Variants in SUCLG1 observed in about 807,000 individuals in gnomAD.
SUCLG1 encodes succinate--CoA ligase [ADP/GDP-forming] subunit alpha, mitochondrial.
SUCLG1 carries 26 observed loss-of-function variants against 37.3 expected under a neutral mutation model. That is an observed-to-expected ratio of 0.70 (90% confidence interval 0.51 to 0.97). The LOEUF (loss-of-function observed/expected upper bound fraction) is 0.97. Ranked by LOEUF, SUCLG1 falls within the 50% of genes least tolerant of loss-of-function variation. SUCLG1 has a pLI of 0.00. For missense variants in SUCLG1, 433 were observed against 432.9 expected, an observed-to-expected ratio of 1.00 and a Z score of 0.00; for synonymous variants, 163 against 155.6, an observed-to-expected ratio of 1.05 and a Z score of -0.36.
intron 2 of SUCLG1, among the ~76,000 whole-genome samples, chr2:84,446,239 C>T (rs747828101): frequency 2.2e-4 from 34 of 152,368 alleles, no homozygotes; most frequent in Admixed American, 6.5e-4. Flanking sequence ...TCATAACATA[C>T]CACATAATAT....
intron 1 of SUCLG1, among the ~76,000 whole-genome samples, chr2:84,456,539 T>C (rs562539656): frequency 6.6e-6 from 1 of 152,128 alleles, no homozygotes; most frequent in Non-Finnish European, 1.5e-5. Flanking sequence ...CATTACTTTA[T>C]GCTTCTCTTA....
At chr2:84,452,199 C>T (rs1313924320) in intron 1 of SUCLG1, among the ~76,000 whole-genome samples, 1 of 150,460 alleles carries the variant, frequency 6.6e-6, no homozygotes, top group Non-Finnish European at 1.5e-5. Context: ...AAAAAAAAAG[C>T]CTTGGGCATT....
At position 84,441,285 on chromosome 2, in the gene SUCLG1, T is replaced by A. The variant is rs577461564; in HGVS notation, c.493A>T (p.Thr165Ser). The A allele has an allele frequency of 2.5e-6, 4 of 1,614,176 alleles. No individual in the cohort carries two copies. The highest frequency in any genetic ancestry group is 3.3e-5 in the Admixed American group (2 of 60,024). ...GGGCAGTTGGGCCCAATTAGCCTTG[T>A]CTTTTCCTGGCGCAGCAGTTTGTGC... ...VKHKLLRQEK[T>S]RLIGPNCPGV... is the part of the protein sequence containing the mutation. Residue 165 changes from threonine to serine, a missense_variant, in exon 4 of 9, where the codon ACA (threonine) becomes TCA (serine). Coordinates refer to ENST00000393868, the MANE Select transcript of SUCLG1 (RefSeq NM_003849.4).
At chr2:84,427,762 A>C (rs1672556293) in intron 7 of SUCLG1, among the ~76,000 whole-genome samples, 1 of 152,226 alleles carries the variant, frequency 6.6e-6, no homozygotes, top group African/African-American at 2.4e-5. Context: ...TTCAAGTAAA[A>C]TTGGTGTCCC....
chr2:84,437,643 G>T (rs554785803), intron 5 of SUCLG1, among the ~76,000 whole-genome samples: 4 of 152,292 alleles, frequency 2.6e-5, no homozygotes, highest in African/African-American at 9.6e-5. Flanking sequence ...TCTTAAACTG[G>T]ATAGCAATTC....
intron 1 of SUCLG1, among the ~76,000 whole-genome samples, chr2:84,452,743 G>C (rs17025067): frequency 0.015 from 2,236 of 152,256 alleles, 37 homozygotes; most frequent in Middle Eastern, 0.095. Flanking sequence ...TAAACTCCAT[G>C]AGTGTCAGGA....
At chr2:84,453,859 C>T (rs1672980662) in intron 1 of SUCLG1, among the ~76,000 whole-genome samples, 2 of 152,234 alleles carry the variant, frequency 1.3e-5, no homozygotes. Context: ...CCAGCTTAAC[C>T]TTGGGACTGC....
chr2:84,452,690 A>T (rs1171840742), intron 1 of SUCLG1, among the ~76,000 whole-genome samples: 1 of 152,182 alleles, frequency 6.6e-6, no homozygotes, highest in Non-Finnish European at 1.5e-5. Flanking sequence ...TTATTTCAAG[A>T]CTATTTCAAG....
chr2:84,431,501 A>G lies in SUCLG1; in HGVS notation c.825+7T>C. On this transcript the variant is annotated splice_region_variant and intron_variant, in intron 7 of 8. Coordinates refer to ENST00000393868, the MANE Select transcript of SUCLG1 (RefSeq NM_003849.4). Reference sequence around the variant, plus strand: ...AAAGAGCTATGTTTTTCCAAACCCAAACTTACTGAATTATGTTGCTTCAAA... The same window carrying G: ...AAAGAGCTATGTTTTTCCAAACCCAGACTTACTGAATTATGTTGCTTCAAA... The G allele has an allele frequency of 1.9e-6, 3 of 1,613,852 alleles. No individual in the cohort carries two copies. Among genetic ancestry groups the G allele is most frequent in the Non-Finnish European group, 2.5e-6 (3 of 1,179,832 alleles).
intron 2 of SUCLG1, among the ~76,000 whole-genome samples, chr2:84,445,826 C>G (rs1469740039): frequency 2.0e-5 from 3 of 152,354 alleles, no homozygotes; most frequent in East Asian, 3.9e-4. Flanking sequence ...CTGGTCAAAA[C>G]ATAATGAAGA....
At chr2:84,439,391 C>T (rs981503491) in intron 5 of SUCLG1, among the ~76,000 whole-genome samples, 2 of 152,118 alleles carry the variant, frequency 1.3e-5, no homozygotes, top group Non-Finnish European at 2.9e-5. Flanking sequence ...AGCATTCCTT[C>T]CATGCTCACC....
chr2:84,424,514 A>C (rs1672503023), intron 8 of SUCLG1, among the ~76,000 whole-genome samples: 1 of 152,234 alleles, frequency 6.6e-6, no homozygotes, highest in Non-Finnish European at 1.5e-5. Flanking sequence ...AGGATCATGC[A>C]AAGATCAATA....
rs749955458 is a variant in SUCLG1, at chr2:84,423,732, A to T, written c.*14T>A. 1.9e-6 allele frequency: 3 copies of T among 1,545,564 alleles called. No homozygotes were observed. The highest frequency in any genetic ancestry group is 1.4e-5 in the African/African-American group (1 of 73,372). The stretch of plus-strand genomic sequence containing the variant: ...CGTGATCCATTCCACAGTTTTAGGA[A>T]TTTTTTTTTTCTTTCATAGCATCTT... On this transcript the variant is annotated 3_prime_UTR_variant, in exon 9 of 9. Coordinates refer to ENST00000393868, the MANE Select transcript of SUCLG1 (RefSeq NM_003849.4).
chr2:84,456,757 G>A (rs199658518), intron 1 of SUCLG1, among the ~76,000 whole-genome samples: 2 of 152,014 alleles, frequency 1.3e-5, no homozygotes, highest in Non-Finnish European at 2.9e-5. Flanking sequence ...TCCACCTCCC[G>A]GGTTCAAGCA....
intron 5 of SUCLG1, chr2:84,433,853 G>A: frequency 4.7e-6 from 1 of 213,050 alleles, no homozygotes; most frequent in Non-Finnish European, 9.5e-6. Flanking sequence ...ATCTCAGGTT[G>A]AAATGTGATG....
intron 2 of SUCLG1, chr2:84,449,068 G>T (rs1014775366): frequency 4.5e-6 from 1 of 221,342 alleles, no homozygotes; most frequent in African/African-American, 2.4e-5. Context: ...ACAGGAAAGA[G>T]TATGAGAGAA....
intron 1 of SUCLG1, among the ~76,000 whole-genome samples, chr2:84,458,823 T>C (rs1209536166): frequency 1.3e-5 from 2 of 152,102 alleles, no homozygotes; most frequent in Non-Finnish European, 1.5e-5. Context: ...TTGGACCTCT[T>C]CATCCCCAAC....
chr2:84,449,802 T>C (rs776414214), intron 1 of SUCLG1, 50 bp from the exon 2 acceptor site: 2 of 1,386,080 alleles, frequency 1.4e-6, no homozygotes, highest in Non-Finnish European at 2.0e-6. Flanking sequence ...CATTATAATT[T>C]TTCTAAACTT....
chr2:84,425,356 T>C (rs1388936610), intron 8 of SUCLG1, 59 bp downstream of exon 8: 1 of 1,600,530 alleles, frequency 6.2e-7, no homozygotes, highest in African/African-American at 1.3e-5. Flanking sequence ...GTATCCAGTG[T>C]GGCCACACAC....
Sources: gnomAD v4.1 joint callset for allele counts (sites outside exome capture counted in the v4.1 genomes callset) on GRCh38, gnomAD v4.1.1 for gene constraint, MANE v1.5 for transcripts, NCBI Gene and HGNC (gene_info 2026-07-23, HGNC 2026-07-21) for gene names.